Variants in ITGB3BP observed in about 807,000 individuals in gnomAD.
The protein encoded by ITGB3BP is centromere protein R.
ITGB3BP carries 27 observed loss-of-function variants against 29.1 expected under a neutral mutation model. The ratio of observed to expected loss-of-function variants is 0.93; its 90% CI spans 0.68 to 1.28. The LOEUF (loss-of-function observed/expected upper bound fraction) is 1.28, where lower values mean the gene tolerates loss of function less well. ITGB3BP is among the 50% of genes most tolerant of loss of function. ITGB3BP has a pLI of 0.00. For missense variants in ITGB3BP, 192 were observed against 200.2 expected (o/e 0.96, Z 0.25); for synonymous variants, 61 against 61.4 (o/e 0.99, Z 0.03).
intron 2 of ITGB3BP, among the ~76,000 whole-genome samples, chr1:63,493,644 C>T (rs1471347922): frequency 1.3e-5 from 2 of 152,006 alleles, no homozygotes; most frequent in African/African-American, 2.4e-5. Context: ...AAAAAAAAAT[C>T]AATGTTCTCT....
At chr1:63,441,858 T>A (rs1644734662) in intron 8 of ITGB3BP, among the ~76,000 whole-genome samples, 1 of 152,092 alleles carries the variant, frequency 6.6e-6, no homozygotes, top group Non-Finnish European at 1.5e-5. Context: ...AATCCTTCTG[T>A]GAGAGAAAGC....
intron 3 of ITGB3BP, among the ~76,000 whole-genome samples, chr1:63,487,976 GAA>G (rs1645563595): frequency 6.6e-6 from 1 of 152,088 alleles, no homozygotes; most frequent in Non-Finnish European, 1.5e-5. Context: ...GTCACTGACT[GAA>G]ATGTTATTAT....
In ITGB3BP at chr1:63,442,277, A is replaced by T. The variant is rs557029012; in HGVS notation, c.*2-1174T>A. On this transcript the variant is annotated intron_variant, in intron 8 of 8. Coordinates refer to ENST00000271002, the MANE Select transcript of ITGB3BP (RefSeq NM_014288.5). ...GGAAGTGTGACAAATTTGATTGGCC[A>T]AAGTCCAGAACATTCATTGGTCTAC... 2.6e-5 allele frequency among the ~76,000 whole-genome samples: 4 copies of T among 152,330 alleles called. No homozygotes were observed. In the East Asian group the frequency reaches 5.8e-4, roughly 22 times the overall value.
chr1:63,498,402 A>G (rs957802593), intron 2 of ITGB3BP, among the ~76,000 whole-genome samples: 4 of 152,216 alleles, frequency 2.6e-5, no homozygotes, highest in Non-Finnish European at 5.9e-5. Context: ...TAAAAATAAC[A>G]GAAGAAAACT....
chr1:63,470,745 T>C (rs1645181924), intron 4 of ITGB3BP, among the ~76,000 whole-genome samples: 1 of 152,118 alleles, frequency 6.6e-6, no homozygotes. Flanking sequence ...GGTAAATATA[T>C]GTATACACTT....
At chr1:63,493,417 A>AAAC (rs1553164318) in intron 2 of ITGB3BP, among the ~76,000 whole-genome samples, 63 of 145,582 alleles carry the variant, frequency 4.3e-4, no homozygotes, top group African/African-American at 1.5e-3. Flanking sequence ...TCTGTCTCAA[A>AAAC]AAACAAACAA....
intron 2 of ITGB3BP, among the ~76,000 whole-genome samples, chr1:63,492,270 T>C (rs560584211): frequency 2.4e-4 from 37 of 152,076 alleles, no homozygotes; most frequent in Non-Finnish European, 4.9e-4. Context: ...TTTTTTTATT[T>C]TTTTGGTCAT....
intron 7 of ITGB3BP, chr1:63,447,672 G>T (rs1414301437): frequency 2.2e-6 from 1 of 462,944 alleles, no homozygotes; most frequent in East Asian, 6.6e-5. Flanking sequence ...TAAAAAGTCA[G>T]GAAACAACAG....
chr1:63,515,103 CTG>C (rs1646285659), intron 1 of ITGB3BP, among the ~76,000 whole-genome samples: 1 of 152,138 alleles, frequency 6.6e-6, no homozygotes, highest in Non-Finnish European at 1.5e-5. Context: ...CTACTTCAGA[CTG>C]TAAAAATATT....
intron 7 of ITGB3BP, among the ~76,000 whole-genome samples, chr1:63,453,293 T>G (rs1644887242): frequency 6.6e-6 from 1 of 152,194 alleles, no homozygotes; most frequent in Non-Finnish European, 1.5e-5. Flanking sequence ...TAAGGCCTAA[T>G]TCCACTTGCA....
rs56827600 is a variant in ITGB3BP, at chr1:63,523,215, C to A, written c.-82G>T. On this transcript the variant is annotated 5_prime_UTR_variant, in exon 1 of 9. Transcript: ENST00000271002. ...AAAACAGAAAATCCGCCAAAGGAAA[C>A]GCCAAGGCATGAAAAGCGCGCGCTG... 3,816 of 1,596,382 alleles carry A rather than the reference C, an allele frequency of 2.4e-3. 89 individuals carry two copies. The African/African-American group carries it at 0.045, about 19-fold the overall frequency.
At chr1:63,514,727 C>A (rs1181866023) in intron 1 of ITGB3BP, among the ~76,000 whole-genome samples, 2 of 151,982 alleles carry the variant, frequency 1.3e-5, no homozygotes, top group Non-Finnish European at 2.9e-5. Context: ...GTGGGCAGAC[C>A]ACAAGGTCAA....
upstream of ITGB3BP, chr1:63,523,321 C>T (rs913583006): frequency 2.8e-6 from 2 of 723,494 alleles, no homozygotes; most frequent in African/African-American, 3.6e-5. Context: ...AGCAAAGGAG[C>T]GAGCGGGGAG....
intron 7 of ITGB3BP, among the ~76,000 whole-genome samples, chr1:63,448,190 G>GA (rs1287291358): frequency 1.1e-5 from 1 of 87,826 alleles, no homozygotes; most frequent in African/African-American, 4.5e-5. Flanking sequence ...GGGGTGGGGG[G>GA]AGGGGGGAGG....
intron 1 of ITGB3BP, 32 bp downstream of exon 1, chr1:63,523,097 A>T: frequency 6.2e-7 from 1 of 1,613,826 alleles, no homozygotes; most frequent in Non-Finnish European, 8.5e-7. Flanking sequence ...GAGGGCCCCC[A>T]AAACAGCAAT....
chr1:63,448,223 A>G (rs1355044411), intron 7 of ITGB3BP, among the ~76,000 whole-genome samples: 1 of 148,476 alleles, frequency 6.7e-6, no homozygotes, highest in African/African-American at 2.5e-5. Context: ...AGATATACCT[A>G]ATGCTAAATG....
At position 63,475,997 on chromosome 1, in the gene ITGB3BP, C is replaced by CAAA. The variant is rs71052481; in HGVS notation, c.254+2764_254+2766dup. On this transcript the variant is annotated intron_variant, in intron 4 of 8. Transcript: ENST00000271002. ...TGGGTGACACAGCAAGACACTGTCT[C>CAAA]AAAAAAAAAAAAAAAAAGAAACGTA... Among the ~76,000 whole-genome samples, 70 of 104,354 alleles carry CAAA rather than the reference C, an allele frequency of 6.7e-4. No homozygotes were observed. The East Asian group carries it at 0.02, about 29-fold the overall frequency. 68.5% of individuals were successfully genotyped at this position (104,354 alleles called of 152,430 possible).
At chr1:63,456,795 G>A (rs149873228) in intron 4 of ITGB3BP, among the ~76,000 whole-genome samples, 1 of 152,274 alleles carries the variant, frequency 6.6e-6, no homozygotes, top group Admixed American at 6.5e-5. Flanking sequence ...AAGGGGCTCT[G>A]TTCACATAGA....
At chr1:63,501,721 G>C (rs997349635) in intron 2 of ITGB3BP, among the ~76,000 whole-genome samples, 1 of 151,990 alleles carries the variant, frequency 6.6e-6, no homozygotes, top group African/African-American at 2.4e-5. Context: ...AATTAGCTGG[G>C]CATAGAGGCC....
Sources: allele counts gnomAD v4.1 joint callset (sites outside exome capture counted in the v4.1 genomes callset), GRCh38; gene constraint gnomAD v4.1.1; transcripts MANE v1.5; gene names NCBI Gene and HGNC (gene_info 2026-07-23, HGNC 2026-07-21).